The following NR1H2 variants were observed in gnomAD, a reference collection of about 807,000 sequenced individuals.
The protein encoded by NR1H2 is nuclear receptor subfamily 1 group H member 2.
Under a neutral mutation model 51.2 loss-of-function variants are expected in NR1H2, and 33 were observed. The observed-to-expected ratio is 0.64, with a 90% confidence interval of 0.49 to 0.86. NR1H2 has a LOEUF of 0.86. NR1H2 is among the 40% of genes least tolerant of loss of function. The pLI is 0.00. For missense variants in NR1H2, 592 were observed against 639.9 expected (o/e 0.93, Z 0.81); for synonymous variants, 310 against 264.3 (o/e 1.17, Z -1.68).
At chr19:50,379,984 TG>T (rs2037739963) in intron 8 of NR1H2, 105 bp downstream of exon 8, 1 of 791,382 alleles carries the variant, frequency 1.3e-6, no homozygotes, top group African/African-American at 1.7e-5. Flanking sequence ...TCTCCAAAGT[TG>T]GGGTGAGGGT....
At position 50,379,101 on chromosome 19, in the gene NR1H2, G is replaced by C; in HGVS notation, c.847G>C (p.Asp283His). 6.2e-7 allele frequency: 1 copy of C among 1,614,074 alleles called. No individual in the cohort carries two copies. The highest frequency in any genetic ancestry group is 8.5e-7 in the Non-Finnish European group (1 of 1,180,036). ...LAIISVQEIVDFAKQVPGFLQ... is the reference protein window; with the variant it reads ...LAIISVQEIVHFAKQVPGFLQ... The stretch of plus-strand genomic sequence containing the variant: ...CATCATCTCAGTCCAGGAGATCGTG[G>C]ACTTCGCTAAGCAAGTGCCTGGTTT... The change falls in exon 7 of 10, where the codon GAC becomes CAC. Residue 283 changes from aspartate to histidine, a missense_variant. Asp to His is a moderately conservative substitution (Grantham distance 81). This residue lies in a region of NR1H2 where 102 missense variants were observed against 152.4 expected (regional missense o/e 0.67). Transcript: ENST00000253727.
rs775866052 is a variant in NR1H2, at chr19:50,382,473, G to A, written c.1254G>A (p.Pro418=). The change falls in exon 10 of 10, where the codon CCG becomes CCA. Residue 418 remains proline, a synonymous_variant. Coordinates refer to ENST00000253727, the MANE Select transcript of NR1H2 (RefSeq NM_007121.7). The stretch of plus-strand genomic sequence containing the variant: ...TCCCTCAGGACCAGCTGCGCTTCCC[G>A]CGCATGCTCATGAAGCTGGTGAGCC... ...IKRPQDQLRF[P]RMLMKLVSLR... is the part of the protein sequence containing the mutation. 1.2e-5 allele frequency: 20 copies of A among 1,605,836 alleles called. No individual in the cohort carries two copies. The highest frequency in any genetic ancestry group is 1.5e-5 in the Non-Finnish European group (18 of 1,177,972).
At position 50,383,366 on chromosome 19, in the gene NR1H2, A is replaced by G. The variant is rs577274285; in HGVS notation, c.*764A>G. Among the ~76,000 whole-genome samples, 12 of 152,378 alleles carry G rather than the reference A, an allele frequency of 7.9e-5. No homozygotes were observed. In the South Asian group the frequency reaches 2.3e-3, roughly 29 times the overall value. On this transcript the variant is annotated 3_prime_UTR_variant, in exon 10 of 10. Coordinates refer to ENST00000253727, the MANE Select transcript of NR1H2 (RefSeq NM_007121.7). ...ATTCTAGAGATGGAGACATTCACCC[A>G]ATAAATGTTTCCAGAGCATTAACTA...
chr19:50,378,774 T>C lies in NR1H2; in HGVS notation c.725T>C (p.Phe242Ser). Reference protein sequence around the residue: ...AAQLQCNKRSFSDQPKVTPWP... With the variant: ...AAQLQCNKRSSSDQPKVTPWP... ...CAACTGCAGTGCAACAAACGCTCCT[T>C]CTCCGACCAGCCCAAAGTCACGGTA... The change falls in exon 6 of 10, where the codon TTC becomes TCC. Residue 242 changes from phenylalanine to serine, a missense_variant. Phe to Ser is a radical substitution (Grantham distance 155). This residue lies in a region of NR1H2 where 102 missense variants were observed against 152.4 expected (regional missense o/e 0.67). Coordinates refer to ENST00000253727, the MANE Select transcript of NR1H2 (RefSeq NM_007121.7). The C allele has an allele frequency of 6.2e-7, 1 of 1,613,600 alleles. No individual in the cohort carries two copies. The highest frequency in any genetic ancestry group is 8.5e-7 in the Non-Finnish European group (1 of 1,179,976).
chr19:50,380,929 C>A (rs1263368746), intron 8 of NR1H2, among the ~76,000 whole-genome samples: 1 of 152,212 alleles, frequency 6.6e-6, no homozygotes, highest in Non-Finnish European at 1.5e-5. Context: ...GTCCTGTCAG[C>A]ACTTAAGGCT....
In NR1H2 at chr19:50,379,047, C is replaced by A; in HGVS notation, c.793C>A (p.Gln265Lys). 1 of 1,613,676 alleles carries A rather than the reference C, an allele frequency of 6.2e-7. No individual in the cohort carries two copies. The highest frequency in any genetic ancestry group is 8.5e-7 in the Non-Finnish European group (1 of 1,179,934). Residue 265 changes from glutamine (Q) to lysine (K), a missense_variant, in exon 7 of 10, where the codon CAA becomes AAA. By Grantham distance (53) the Gln-to-Lys change is moderately conservative. Coordinates refer to ENST00000253727, the MANE Select transcript of NR1H2 (RefSeq NM_007121.7). ...ADPQSRDARQ[Q>K]RFAHFTELAI... ...CCCCCAGTCCCGAGATGCCCGCCAG[C>A]AACGCTTTGCCCACTTCACGGAGCT... is the stretch of plus-strand genomic sequence containing the variant.
chr19:50,379,971 T>C, intron 8 of NR1H2, 92 bp downstream of exon 8: 3 of 856,950 alleles, frequency 3.5e-6, no homozygotes, highest in African/African-American at 3.3e-5. Flanking sequence ...CTCTGTTTCT[T>C]TATCTCCAAA....
chr19:50,383,290 G>A lies in NR1H2; in HGVS notation c.*688G>A, dbSNP rs975595223. The stretch of plus-strand genomic sequence containing the variant: ...AATGAGGGGACCTGGACTTCTGTCC[G>A]AACAACAAGTGTTTGCTGAGGCCTC... On this transcript the variant is annotated 3_prime_UTR_variant, in exon 10 of 10. Coordinates refer to ENST00000253727, the MANE Select transcript of NR1H2 (RefSeq NM_007121.7). 2.6e-5 allele frequency among the ~76,000 whole-genome samples: 4 copies of A among 152,218 alleles called. No individual in the cohort carries two copies. Among genetic ancestry groups the A allele is most frequent in the African/African-American group, 7.2e-5 (3 of 41,454 alleles).
intron 9 of NR1H2, 62 bp downstream of exon 9, chr19:50,382,236 C>T: frequency 4.2e-6 from 6 of 1,443,028 alleles, no homozygotes; most frequent in Non-Finnish European, 5.5e-6. Context: ...GTGGTCCGTT[C>T]AGGCTGGGTT....
At chr19:50,381,586 C>T (rs1041779031) in intron 8 of NR1H2, among the ~76,000 whole-genome samples, 3 of 152,216 alleles carry the variant, frequency 2.0e-5, no homozygotes, top group Admixed American at 2.0e-4. Context: ...TGGGCTTTAC[C>T]TTGAGCAGTG....
chr19:50,377,773 C>T lies in NR1H2; in HGVS notation c.84C>T (p.Pro28=), dbSNP rs765251631. The change falls in exon 4 of 10, where the codon CCC becomes CCT. Residue 28 remains proline, a synonymous_variant. Transcript: ENST00000253727. ...AGCCTGGCGCCCCTTCTTCTTCACC[C>T]ACTGTAAAGGAGGAGGGTCCGGAGC... ...PPQPGAPSSS[P]TVKEEGPEPW... is the part of the protein sequence containing the mutation. The T allele has an allele frequency of 1.2e-5, 19 of 1,610,410 alleles. No individual in the cohort carries two copies. The East Asian group carries it at 4.0e-4, about 34-fold the overall frequency.
Position 50,378,815 on chromosome 19 carries a change from C to T in NR1H2, c.747+19C>T, listed in dbSNP as rs943254305. The T allele has an allele frequency of 4.4e-6, 7 of 1,607,932 alleles. No individual in the cohort carries two copies. In the Admixed American group the frequency reaches 8.4e-5, roughly 19 times the overall value. On this transcript the variant is annotated intron_variant, in intron 6 of 9. Transcript: ENST00000253727. ...AGTCACGGTACTGCCCCCTCCACAA[C>T]CTTGAGTGTGACGGTCCCAATGGGG...
At position 50,377,935 on chromosome 19, in the gene NR1H2, AGAAATG is replaced by A. The variant is rs1168337046; in HGVS notation, c.181+67_181+72del. ...GGGGTTTAGGAAGGGAGAAAGAAAT[AGAAATG>A]GGAATGGGAGGCCCTGATCTTTGCT... On this transcript the variant is annotated intron_variant, in intron 4 of 9. Coordinates refer to ENST00000253727, the MANE Select transcript of NR1H2 (RefSeq NM_007121.7). 2.0e-6 allele frequency: 3 copies of A among 1,495,954 alleles called. No individual in the cohort carries two copies. The East Asian group carries it at 6.8e-5, about 34-fold the overall frequency. The allele number at this position is 1,495,954 out of a possible 1,614,324, so 92.7% of individuals were successfully genotyped here.
chr19:50,379,315 G>A, intron 7 of NR1H2, 134 bp downstream of exon 7: 3 of 1,019,298 alleles, frequency 2.9e-6, no homozygotes, highest in Non-Finnish European at 2.8e-6. Context: ...ATGAGCCAAG[G>A]AGAGAAAGGA....
At chr19:50,382,317 G>A (rs1168948435) in intron 9 of NR1H2, 139 bp from the exon 10 acceptor site, 3 of 1,353,974 alleles carry the variant, frequency 2.2e-6, no homozygotes, top group Non-Finnish European at 3.0e-6. Context: ...TGGGAGCCAG[G>A]TCTAGTCCAA....
In NR1H2 at chr19:50,379,881, T is replaced by C; in HGVS notation, c.1027+2T>C. On this transcript the variant is annotated splice_donor_variant, in intron 8 of 9. Transcript: ENST00000253727. LOFTEE classifies it high-confidence loss of function. The stretch of plus-strand genomic sequence containing the variant: ...GCAAGGACGACTTCCACCGTGCAGG[T>C]AGGGCCCAGGGGAGGCTTCGGGGAG... The C allele has an allele frequency of 6.2e-7, 1 of 1,608,528 alleles. No homozygotes were observed. Among genetic ancestry groups the C allele is most frequent in the Non-Finnish European group, 8.5e-7 (1 of 1,175,062 alleles).
intron 8 of NR1H2, among the ~76,000 whole-genome samples, chr19:50,380,506 C>T (rs983044621): frequency 7.9e-5 from 12 of 152,168 alleles, no homozygotes; most frequent in African/African-American, 2.7e-4. Context: ...ACCAGGGCCT[C>T]GCTCCCTCAT....
At chr19:50,381,647 C>T (rs537139615) in intron 8 of NR1H2, among the ~76,000 whole-genome samples, 5 of 152,336 alleles carry the variant, frequency 3.3e-5, no homozygotes, top group South Asian at 2.1e-4. Flanking sequence ...AAAAGCTTCC[C>T]TTTGCCTTTG....
At chr19:50,380,021 A>G (rs1601142383) in intron 8 of NR1H2, 142 bp downstream of exon 8, 1 of 667,360 alleles carries the variant, frequency 1.5e-6, no homozygotes, top group African/African-American at 1.8e-5. Context: ...GTGAGGTAAG[A>G]GTGCATGTGC....
Sources: allele counts gnomAD v4.1 joint callset (sites outside exome capture counted in the v4.1 genomes callset), GRCh38; gene constraint gnomAD v4.1.1; regional missense constraint gnomAD v4.1.1; transcripts MANE v1.5; gene names NCBI Gene and HGNC (gene_info 2026-07-23, HGNC 2026-07-21).